Variants in PRKN observed in about 807,000 individuals in gnomAD.
PRKN encodes the protein parkin RBR E3 ubiquitin protein ligase.
Under a neutral mutation model 59.5 loss-of-function variants are expected in PRKN, and 56 were observed. The observed-to-expected ratio is 0.94, with a 90% CI of 0.76 to 1.18. The LOEUF is 1.18. Ranked by LOEUF, PRKN falls within the 50% of genes most tolerant of loss-of-function variation. The probability of loss-of-function intolerance (pLI) is 0.00; values close to 1 mark genes in which losing one functional copy is unlikely to be tolerated. For synonymous variants in PRKN, 250 were observed against 222.1 expected (o/e 1.13, Z -1.12); for missense variants, 657 against 596.4 (o/e 1.10, Z -1.06).
chr6:162,625,456 C>T (rs979445855), intron 1 of PRKN, among the ~76,000 whole-genome samples: 2 of 152,134 alleles, frequency 1.3e-5, no homozygotes, highest in Non-Finnish European at 2.9e-5. Flanking sequence ...GTTTACATGG[C>T]GGCATGGCAG....
At chr6:161,872,952 C>G (rs1319261486) in intron 6 of PRKN, among the ~76,000 whole-genome samples, 2 of 131,142 alleles carry the variant, frequency 1.5e-5, no homozygotes, top group African/African-American at 5.5e-5. Flanking sequence ...GTAAGACATA[C>G]AGTAATGACT....
chr6:162,599,603 G>T (rs543450782), intron 1 of PRKN, among the ~76,000 whole-genome samples: 1 of 152,274 alleles, frequency 6.6e-6, no homozygotes, highest in Admixed American at 6.5e-5. Context: ...AAGGCAGGCT[G>T]CGTGGGTTAT....
chr6:162,527,237 T>C (rs960768791), intron 1 of PRKN, among the ~76,000 whole-genome samples: 2 of 152,240 alleles, frequency 1.3e-5, no homozygotes, highest in African/African-American at 2.4e-5. Flanking sequence ...AAAACATAAC[T>C]GAGTATCCAC....
chr6:162,382,062 T>C (rs145558099), intron 2 of PRKN, among the ~76,000 whole-genome samples: 153 of 152,330 alleles, frequency 1.0e-3, no homozygotes, highest in Non-Finnish European at 1.8e-3. Flanking sequence ...AGCAAGATTT[T>C]GCTGGCATTT....
chr6:162,398,376 G>A (rs1169716658), intron 2 of PRKN, among the ~76,000 whole-genome samples: 1 of 139,838 alleles, frequency 7.2e-6, no homozygotes, highest in East Asian at 2.2e-4. Context: ...GACAACTTCA[G>A]CCAGATCTTT....
intron 9 of PRKN, among the ~76,000 whole-genome samples, chr6:161,515,342 T>C (rs552946278): frequency 3.3e-5 from 5 of 152,326 alleles, no homozygotes; most frequent in Non-Finnish European, 5.9e-5. Flanking sequence ...GTTTTCTGGA[T>C]TCTGGATTTC....
At chr6:162,520,959 T>C (rs1175871520) in intron 1 of PRKN, among the ~76,000 whole-genome samples, 1 of 152,226 alleles carries the variant, frequency 6.6e-6, no homozygotes, top group Non-Finnish European at 1.5e-5. Context: ...AGAAAACTAC[T>C]ATTTGCAGCT....
rs1787985180 is a variant in PRKN, at chr6:161,419,338, G to A, written c.1084-32461C>T. 6.6e-6 allele frequency among the ~76,000 whole-genome samples: 1 copy of A among 152,038 alleles called. No homozygotes were observed. Among genetic ancestry groups the A allele is most frequent in the African/African-American group, 2.4e-5 (1 of 41,382 alleles). ...GTCAACCAGGAGATTTTTGGCCCTA[G>A]AACCTGAGGTCCTAACCACAACACA... On this transcript the variant is annotated intron_variant, in intron 9 of 11. Coordinates refer to ENST00000366898, the MANE Select transcript of PRKN (RefSeq NM_004562.3). This position sits in a 1 kb window ranked among gnomAD's most constrained non-coding sequence, Gnocchi z 4.1.
rs1281231399 is a variant in PRKN, at chr6:161,432,507, C to T, written c.1084-45630G>A. ...CCTCCCAAGTAGCTGGGATTACAGG[C>T]GCCCGCCATCACCATGCCCAGCTAA... On this transcript the variant is annotated intron_variant, in intron 9 of 11. Transcript: ENST00000366898. 7.9e-5 allele frequency among the ~76,000 whole-genome samples: 12 copies of T among 151,168 alleles called. No individual in the cohort carries two copies. In the East Asian group the frequency reaches 9.7e-4, roughly 12 times the overall value.
intron 7 of PRKN, among the ~76,000 whole-genome samples, chr6:161,724,267 G>A (rs528418226): frequency 5.9e-5 from 9 of 152,206 alleles, no homozygotes; most frequent in Non-Finnish European, 1.3e-4. Context: ...ATCGTGAATA[G>A]CATATTTTGA....
intron 7 of PRKN, among the ~76,000 whole-genome samples, chr6:161,703,030 TAA>T (rs538755289): frequency 3.4e-4 from 36 of 104,732 alleles, no homozygotes; most frequent in Middle Eastern, 5.3e-3. Flanking sequence ...GATTCAACAG[TAA>T]AAAAAAAAAA....
At chr6:162,699,896 T>C (rs1254970257) in intron 1 of PRKN, among the ~76,000 whole-genome samples, 1 of 152,130 alleles carries the variant, frequency 6.6e-6, no homozygotes, top group Non-Finnish European at 1.5e-5. Context: ...GTGAATTTCA[T>C]TAACAAGAGA....
chr6:161,800,603 G>T (rs578021500), intron 6 of PRKN, among the ~76,000 whole-genome samples: 4 of 152,216 alleles, frequency 2.6e-5, no homozygotes, highest in Non-Finnish European at 4.4e-5. Context: ...GGCATGGGAT[G>T]CATGGGCTCT....
At chr6:162,079,792 GA>G (rs1381229545) in intron 4 of PRKN, among the ~76,000 whole-genome samples, 1 of 152,104 alleles carries the variant, frequency 6.6e-6, no homozygotes, top group Non-Finnish European at 1.5e-5. Flanking sequence ...TCTCTGCTTA[GA>G]AAATTTTTTT....
chr6:161,577,397 A>C (rs1455686845), intron 7 of PRKN, among the ~76,000 whole-genome samples: 1 of 152,236 alleles, frequency 6.6e-6, no homozygotes, highest in Non-Finnish European at 1.5e-5. Flanking sequence ...CCTTTAAAGT[A>C]CATCTAAAAA....
intron 9 of PRKN, among the ~76,000 whole-genome samples, chr6:161,387,294 G>A (rs1562413117): frequency 6.6e-6 from 1 of 152,186 alleles, no homozygotes. Flanking sequence ...TAGTGAGTGA[G>A]TTCTCACGAG....
At chr6:161,657,413 G>C (rs1184253780) in intron 7 of PRKN, among the ~76,000 whole-genome samples, 1 of 152,134 alleles carries the variant, frequency 6.6e-6, no homozygotes, top group African/African-American at 2.4e-5. Context: ...CTGCTCCTAG[G>C]ATCCTGCTCC....
chr6:162,581,535 C>T (rs908553348), intron 1 of PRKN, among the ~76,000 whole-genome samples: 1 of 152,198 alleles, frequency 6.6e-6, no homozygotes, highest in African/African-American at 2.4e-5. Context: ...GAAAGGCGGG[C>T]GGATCACCTG....
chr6:162,379,917 G>A (rs1480538089), intron 2 of PRKN, among the ~76,000 whole-genome samples: 8 of 152,124 alleles, frequency 5.3e-5, no homozygotes, highest in Non-Finnish European at 5.9e-5. Flanking sequence ...GTTGAATTCC[G>A]AGGTGAACCA....
Sources: gnomAD v4.1 joint callset for allele counts (sites outside exome capture counted in the v4.1 genomes callset) on GRCh38, gnomAD v4.1.1 for gene constraint, Gnocchi (gnomAD v3.1) non-coding constraint, MANE v1.5 for transcripts, NCBI Gene and HGNC (gene_info 2026-07-23, HGNC 2026-07-21) for gene names.